INPP4A: variants seen among roughly 807,000 people sequenced by gnomAD.
The protein encoded by INPP4A is inositol polyphosphate-4-phosphatase, type I, 107kD.
Under a neutral mutation model 119.8 loss-of-function variants are expected in INPP4A, and 33 were observed. That is an observed-to-expected ratio of 0.28 (90% confidence interval 0.21 to 0.37). INPP4A has a LOEUF of 0.37. Ranked by LOEUF, INPP4A falls within the 10% of genes least tolerant of loss-of-function variation. INPP4A has a pLI of 1.00. For synonymous variants in INPP4A, 496 were observed against 500.7 expected (o/e 0.99, Z 0.12); for missense variants, 956 against 1,289.9 (o/e 0.74, Z 3.97).
chr2:98,552,903 G>T lies in INPP4A; in HGVS notation c.1281G>T (p.Leu427=), dbSNP rs775005700. Residue 427 remains leucine (L), a synonymous_variant, in exon 14 of 25, where the codon CTG becomes CTT. Coordinates refer to ENST00000409851, the MANE Select transcript of INPP4A (RefSeq NM_001134225.2). The part of the protein sequence containing the change: ...KTQVSYYAER[L]SRAAKDRSAT... ...AAGTGAGTTACTACGCAGAGCGGCT[G>T]TCAAGGGCAGCCAAGGACAGGTCTG... 6.2e-7 allele frequency: 1 copy of T among 1,613,784 alleles called. No homozygotes were observed. The highest frequency in any genetic ancestry group is 2.2e-5 in the East Asian group (1 of 44,880).
chr2:98,532,385 C>T (rs944760580), intron 4 of INPP4A, among the ~76,000 whole-genome samples: 1 of 151,892 alleles, frequency 6.6e-6, no homozygotes, highest in Non-Finnish European at 1.5e-5. Flanking sequence ...GGAGTTAATA[C>T]TTTTTTCTAT....
chr2:98,445,454 G>A (rs1694030600), intron 1 of INPP4A, among the ~76,000 whole-genome samples: 1 of 152,234 alleles, frequency 6.6e-6, no homozygotes, highest in African/African-American at 2.4e-5. Context: ...AAACATAACC[G>A]GGTGAAAGTA....
Position 98,564,686 on chromosome 2 carries a change from T to C in INPP4A, c.2075T>C (p.Leu692Pro). The C allele has an allele frequency of 6.2e-7, 1 of 1,612,390 alleles. No individual in the cohort carries two copies. The change falls in exon 19 of 25, where the codon CTG becomes CCG. Residue 692 changes from leucine (L) to proline (P), a missense_variant. Around this residue, in one of 2 missense-constraint regions of INPP4A, gnomAD observed 304 missense variants for 492.1 expected, o/e 0.62. Transcript: ENST00000409851. Reference sequence around the variant, plus strand: ...TTCATCATTAAGCTGAGGAACTGCCTGCATGACGACGGCTTCCTGCGCCAG... The same window carrying C: ...TTCATCATTAAGCTGAGGAACTGCCCGCATGACGACGGCTTCCTGCGCCAG... ...CGFIIKLRNC[L>P]HDDGFLRQLY...
In INPP4A at chr2:98,554,154, G is replaced by T; in HGVS notation, c.1348-117G>T. On this transcript the variant is annotated intron_variant, in intron 14 of 24. Coordinates refer to ENST00000409851, the MANE Select transcript of INPP4A (RefSeq NM_001134225.2). This position sits in a 1 kb window ranked among gnomAD's most constrained non-coding sequence, Gnocchi z 4.7. ...CCCTTCAGTTGCTTTGCACTGTGGA[G>T]AAAGGCAGAGGGGTGCAGTGCTGGG... The T allele has an allele frequency of 1.4e-6, 1 of 740,444 alleles. No individual in the cohort carries two copies. The highest frequency in any genetic ancestry group is 2.2e-6 in the Non-Finnish European group (1 of 458,282). The allele number at this position is 740,444 out of a possible 1,614,324, so 45.9% of individuals were successfully genotyped here. A position where few individuals can be genotyped will look rare whatever the true frequency, so the allele number is the denominator to read the frequency against.
Position 98,551,876 on chromosome 2 carries a change from A to G in INPP4A, c.1164-910A>G, listed in dbSNP as rs148744898. ...AGATGGTCTGAAAAATAAATTTATA[A>G]TATTGGATTGATTGGGATCAGGCTA... is the stretch of plus-strand genomic sequence containing the variant. On this transcript the variant is annotated intron_variant, in intron 13 of 24. Coordinates refer to ENST00000409851, the MANE Select transcript of INPP4A (RefSeq NM_001134225.2). 3.7e-3 allele frequency among the ~76,000 whole-genome samples: 568 copies of G among 152,292 alleles called. 2 individuals carry two copies. The highest frequency in any genetic ancestry group is 6.2e-3 in the Non-Finnish European group (419 of 68,026).
intron 1 of INPP4A, among the ~76,000 whole-genome samples, chr2:98,447,934 C>T (rs1248733249): frequency 1.3e-5 from 2 of 151,154 alleles, no homozygotes; most frequent in African/African-American, 2.4e-5. Context: ...GTAGTCCCAG[C>T]TGCTTGGGAG....
intron 4 of INPP4A, among the ~76,000 whole-genome samples, chr2:98,523,288 C>T (rs1559000487): frequency 6.6e-6 from 1 of 152,068 alleles, no homozygotes; most frequent in Non-Finnish European, 1.5e-5. Flanking sequence ...GTAATATAGT[C>T]ATGTTAATTG....
rs74833312 is a variant in INPP4A at position 98,588,294 on chromosome 2, C to A, written c.*686C>A. On this transcript the variant is annotated 3_prime_UTR_variant, in exon 25 of 25. Coordinates refer to ENST00000409851, the MANE Select transcript of INPP4A (RefSeq NM_001134225.2). ...CCTTATGAGTTACAGAACAGGGAGT[C>A]TGCTGGAGACACAAAGCCAGCAGTA... The A allele has an allele frequency of 3.1e-3, 621 of 203,500 alleles. 4 individuals carry two copies. Among genetic ancestry groups the A allele is most frequent in the African/African-American group, 0.013 (576 of 43,800 alleles). 12.6% of individuals were successfully genotyped at this position (203,500 alleles called of 1,614,324 possible). A position where few individuals can be genotyped will look rare whatever the true frequency, so the allele number is the denominator to read the frequency against.
chr2:98,561,491 C>G (rs900262864), intron 17 of INPP4A, among the ~76,000 whole-genome samples: 2 of 152,238 alleles, frequency 1.3e-5, no homozygotes, highest in Non-Finnish European at 2.9e-5. Flanking sequence ...TAACGACACT[C>G]ACCTTCTACC....
intron 1 of INPP4A, among the ~76,000 whole-genome samples, chr2:98,468,675 C>CT (rs1312494368): frequency 6.6e-6 from 1 of 152,136 alleles, no homozygotes; most frequent in Non-Finnish European, 1.5e-5. Flanking sequence ...TGTGGCATTT[C>CT]TTTTTGATGG....
In INPP4A at chr2:98,566,230, G is replaced by C. The variant is rs140846661; in HGVS notation, c.2420+61G>C. The C allele has an allele frequency of 6.1e-6, 9 of 1,485,546 alleles. No individual in the cohort carries two copies. The highest frequency in any genetic ancestry group is 8.1e-6 in the Non-Finnish European group (9 of 1,108,420). 92.0% of individuals were successfully genotyped at this position (1,485,546 alleles called of 1,614,324 possible). A position where few individuals can be genotyped will look rare whatever the true frequency, so the allele number is the denominator to read the frequency against. On this transcript the variant is annotated intron_variant, in intron 21 of 24. Transcript: ENST00000409851. The surrounding 1 kb of genome is among the most constrained non-coding windows in gnomAD (Gnocchi z 4.2). ...TGGCCCTGGAGATGATGCAGAAAAC[G>C]TACTTACCCCTCTTCAGGCTCTAAG... is the stretch of plus-strand genomic sequence containing the variant.
intron 17 of INPP4A, among the ~76,000 whole-genome samples, chr2:98,560,592 C>T (rs1161352976): frequency 1.3e-5 from 2 of 152,238 alleles, no homozygotes; most frequent in African/African-American, 2.4e-5. Flanking sequence ...GGGCCCCACC[C>T]CCTTGGACCC....
At chr2:98,488,517 C>CA (rs1680014965) in intron 1 of INPP4A, among the ~76,000 whole-genome samples, 2 of 152,194 alleles carry the variant, frequency 1.3e-5, no homozygotes, top group South Asian at 4.1e-4. Flanking sequence ...TTGTCTCTGT[C>CA]ACGGTGATGT....
At chr2:98,587,036 C>T (rs946963861) in intron 24 of INPP4A, among the ~76,000 whole-genome samples, 2 of 152,238 alleles carry the variant, frequency 1.3e-5, no homozygotes, top group Admixed American at 1.3e-4. Flanking sequence ...GATGTGATTA[C>T]AGCTCTTGCT....
At chr2:98,571,554 G>A (rs1030766508) in intron 22 of INPP4A, among the ~76,000 whole-genome samples, 1 of 152,238 alleles carries the variant, frequency 6.6e-6, no homozygotes, top group African/African-American at 2.4e-5. Flanking sequence ...CCCAGGATGG[G>A]CGAGGCCTCC....
chr2:98,497,081 C>T (rs1386925196), intron 1 of INPP4A, among the ~76,000 whole-genome samples: 4 of 152,174 alleles, frequency 2.6e-5, no homozygotes, highest in Non-Finnish European at 5.9e-5. Context: ...GACTTGGTGC[C>T]CTGTGTCCCA....
rs183843705 is a variant in INPP4A at position 98,505,647 on chromosome 2, A to G, written c.-165-13317A>G. On this transcript the variant is annotated intron_variant, in intron 1 of 24. Coordinates refer to ENST00000409851, the MANE Select transcript of INPP4A (RefSeq NM_001134225.2). ...AGTAAATAGAAGGAAGTTACAAATA[A>G]AACACAGTAGTCATAAAAGCAGAGC... Among the ~76,000 whole-genome samples the G allele has an allele frequency of 2.0e-3, 308 of 152,322 alleles. 2 individuals carry two copies. Among genetic ancestry groups the G allele is most frequent in the Middle Eastern group, 0.014 (4 of 294 alleles).
At chr2:98,465,075 A>G (rs1674462868) in intron 1 of INPP4A, among the ~76,000 whole-genome samples, 1 of 152,284 alleles carries the variant, frequency 6.6e-6, no homozygotes, top group East Asian at 1.9e-4. Context: ...CTTTGTATCC[A>G]CTTCCCTTTT....
rs1697032145 is a variant in INPP4A at position 98,569,328 on chromosome 2, A to T, written c.2518+660A>T. On this transcript the variant is annotated intron_variant, in intron 22 of 24. Transcript: ENST00000409851. This position sits in a 1 kb window ranked among gnomAD's most constrained non-coding sequence, Gnocchi z 5.1. ...CGATGGCGAATGAGGGGTGGACCCTACCTTGGAGGGAAAGCTGGTCCCAGA... is the reference window on the plus strand; with the variant it reads ...CGATGGCGAATGAGGGGTGGACCCTTCCTTGGAGGGAAAGCTGGTCCCAGA... The T allele has an allele frequency of 6.6e-6, 1 of 152,292 alleles. No individual in the cohort carries two copies. The highest frequency in any genetic ancestry group is 2.4e-5 in the African/African-American group (1 of 41,434). The allele number at this position is 152,292 out of a possible 1,614,324, so 9.4% of individuals were successfully genotyped here.
Sources: allele counts gnomAD v4.1 joint callset (sites outside exome capture counted in the v4.1 genomes callset), GRCh38; gene constraint gnomAD v4.1.1; regional missense constraint gnomAD v4.1.1; non-coding constraint Gnocchi (gnomAD v3.1); transcripts MANE v1.5; gene names NCBI Gene and HGNC (gene_info 2026-07-23, HGNC 2026-07-21).